The following MS4A7 variants were observed in gnomAD, a reference collection of about 807,000 sequenced individuals.
MS4A7 encodes the protein membrane-spanning 4-domains subfamily A member 7.
MS4A7 carries 21 observed loss-of-function variants against 23.5 expected under a neutral mutation model. The observed-to-expected ratio is 0.89, with a 90% CI of 0.63 to 1.29. MS4A7 has a LOEUF of 1.29. Among genes scored for constraint, MS4A7 ranks in the 50% most tolerant of loss-of-function variants. The pLI, the probability that MS4A7 is intolerant of heterozygous loss-of-function variation, is 0.00. For synonymous variants in MS4A7, 111 were observed against 107.4 expected, an observed-to-expected ratio of 1.03 and a Z score of -0.21; for missense variants, 263 against 274.2, an observed-to-expected ratio of 0.96 and a Z score of 0.29.
chr11:60,384,246 C>T (rs1196535698), intron 2 of MS4A7, among the ~76,000 whole-genome samples: 1 of 151,962 alleles, frequency 6.6e-6, no homozygotes, highest in African/African-American at 2.4e-5. Flanking sequence ...TCCTTTTTTG[C>T]TCAAAATGAA....
Position 60,395,887 on chromosome 11 carries a change from C to G in MS4A7, c.*2026C>G, listed in dbSNP as rs1390983255. 6.6e-6 allele frequency: 1 copy of G among 151,656 alleles called. No individual in the cohort carries two copies. The highest frequency in any genetic ancestry group is 1.5e-5 in the Non-Finnish European group (1 of 67,946). 9.4% of individuals were successfully genotyped at this position (151,656 alleles called of 1,614,324 possible). A position where few individuals can be genotyped will look rare whatever the true frequency, so the allele number is the denominator to read the frequency against. On this transcript the variant is annotated 3_prime_UTR_variant, in exon 7 of 7. Transcript: ENST00000300184. ...ATGTATATCAAAACATGTAGTACACCCTAAATATATATAATTTTTATTTGT... is the reference window on the plus strand; with the variant it reads ...ATGTATATCAAAACATGTAGTACACGCTAAATATATATAATTTTTATTTGT...
At chr11:60,383,102 G>A (rs766518984) in intron 1 of MS4A7, 27 bp from the exon 2 acceptor site, 1 of 1,606,320 alleles carries the variant, frequency 6.2e-7, no homozygotes, top group Non-Finnish European at 8.5e-7. Flanking sequence ...ACCTTGGGAA[G>A]TAACTGAGTT....
intron 2 of MS4A7, among the ~76,000 whole-genome samples, chr11:60,384,212 T>C (rs2085460363): frequency 6.6e-6 from 1 of 152,238 alleles, no homozygotes; most frequent in African/African-American, 2.4e-5. Context: ...TGTATTCTCC[T>C]GGCTCAAAAT....
chr11:60,384,082 C>G (rs188235637), intron 2 of MS4A7, among the ~76,000 whole-genome samples: 1 of 152,138 alleles, frequency 6.6e-6, no homozygotes, highest in East Asian at 1.9e-4. Flanking sequence ...TTTGAATACC[C>G]TCTTATAATA....
chr11:60,381,540 A>G (rs2085427999), intron 1 of MS4A7, among the ~76,000 whole-genome samples: 1 of 152,224 alleles, frequency 6.6e-6, no homozygotes, highest in African/African-American at 2.4e-5. Flanking sequence ...AATCCTCACA[A>G]GAGTCCTTCA....
At position 60,386,749 on chromosome 11, in the gene MS4A7, T is replaced by G. The variant is rs200298364; in HGVS notation, c.315T>G (p.Ser105=). The G allele has an allele frequency of 2.3e-5, 37 of 1,613,150 alleles. No homozygotes were observed. In the Admixed American group the frequency reaches 4.2e-4, roughly 18 times the overall value. The part of the protein sequence containing the change: ...FGITGSLSII[S]GKQSTKPFDL... The stretch of plus-strand genomic sequence containing the variant: ...TTACTGGATCCCTCTCAATTATCTC[T>G]GGAAAACAATCAACTAAGCCCTTTG... The change falls in exon 4 of 7, where the codon TCT becomes TCG. Residue 105 remains serine, a synonymous_variant. Transcript: ENST00000300184.
chr11:60,387,860 G>A (rs1349482787), intron 4 of MS4A7, among the ~76,000 whole-genome samples: 2 of 152,230 alleles, frequency 1.3e-5, no homozygotes, highest in Admixed American at 6.5e-5. Flanking sequence ...AGGTGGATCA[G>A]GCCTATGAGA....
At chr11:60,393,664 C>T in intron 6 of MS4A7, 123 bp from the exon 7 acceptor site, 1 of 539,762 alleles carries the variant, frequency 1.9e-6, no homozygotes, top group Non-Finnish European at 3.2e-6. Flanking sequence ...GCTGCAATTA[C>T]ATATTATGGC....
At chr11:60,387,980 C>A (rs145700853) in intron 4 of MS4A7, among the ~76,000 whole-genome samples, 2 of 152,338 alleles carry the variant, frequency 1.3e-5, no homozygotes, top group Non-Finnish European at 2.9e-5. Flanking sequence ...AGGCTCTGTG[C>A]GAGGTTTCCA....
At chr11:60,379,746 G>A (rs1044118454) in intron 1 of MS4A7, among the ~76,000 whole-genome samples, 7 of 151,996 alleles carry the variant, frequency 4.6e-5, no homozygotes, top group Admixed American at 2.6e-4. Flanking sequence ...TGTTGGCCAC[G>A]CTGGTCTTGA....
chr11:60,393,004 C>T (rs1005536066), intron 6 of MS4A7, among the ~76,000 whole-genome samples: 4 of 152,102 alleles, frequency 2.6e-5, no homozygotes, highest in African/African-American at 4.8e-5. Context: ...GCCTGTAGTC[C>T]CAGCTAGTTG....
Position 60,383,353 on chromosome 11 carries a change from A to G in MS4A7, c.147+65A>G. On this transcript the variant is annotated intron_variant, in intron 2 of 6. Transcript: ENST00000300184. ...CTTTGTAAATGTATCTAGACTACAG[A>G]TCTACAGTGGGTCTGGGAAACTCTT... The G allele has an allele frequency of 1.9e-6, 3 of 1,567,364 alleles. No homozygotes were observed. The South Asian group carries it at 3.5e-5, about 19-fold the overall frequency.
intron 1 of MS4A7, among the ~76,000 whole-genome samples, chr11:60,379,528 T>C (rs1390412209): frequency 1.5e-5 from 2 of 135,850 alleles, no homozygotes; most frequent in Non-Finnish European, 3.4e-5. Flanking sequence ...TTGTTGTTTT[T>C]TGTTTGTTTG....
intron 5 of MS4A7, chr11:60,389,956 T>C (rs2085533657): frequency 1.7e-5 from 4 of 242,350 alleles, no homozygotes; most frequent in African/African-American, 4.5e-5. Flanking sequence ...TATTCTTCAT[T>C]TGAATTATAT....
intron 2 of MS4A7, 93 bp from the exon 3 acceptor site, chr11:60,384,995 A>AATT (rs1555003734): frequency 1.7e-6 from 2 of 1,194,532 alleles, no homozygotes; most frequent in Non-Finnish European, 2.4e-6. Context: ...ATTATAATGT[A>AATT]TTTTATACTC....
At chr11:60,391,064 C>T (rs577377496) in intron 5 of MS4A7, among the ~76,000 whole-genome samples, 86 of 152,282 alleles carry the variant, frequency 5.6e-4, no homozygotes, top group Middle Eastern at 3.4e-3. Context: ...ACAGTTTTAA[C>T]ATCCATGACA....
At chr11:60,391,725 C>G (rs766106182) in intron 5 of MS4A7, among the ~76,000 whole-genome samples, 1 of 151,868 alleles carries the variant, frequency 6.6e-6, no homozygotes, top group African/African-American at 2.4e-5. Context: ...TTGAGACCAG[C>G]CTGGCCAACA....
intron 5 of MS4A7, among the ~76,000 whole-genome samples, chr11:60,392,120 A>G (rs1292235605): frequency 6.6e-6 from 1 of 152,184 alleles, no homozygotes; most frequent in African/African-American, 2.4e-5. Flanking sequence ...TGGAATTTAG[A>G]TTTGATTAAA....
chr11:60,394,233 T>C lies in MS4A7; in HGVS notation c.*372T>C, dbSNP rs1283709611. 6.2e-6 allele frequency: 1 copy of C among 160,604 alleles called. No homozygotes were observed. The highest frequency in any genetic ancestry group is 2.4e-5 in the African/African-American group (1 of 41,722). 9.9% of individuals were successfully genotyped at this position (160,604 alleles called of 1,614,324 possible). A position where few individuals can be genotyped will look rare whatever the true frequency, so the allele number is the denominator to read the frequency against. On this transcript the variant is annotated 3_prime_UTR_variant, in exon 7 of 7. Coordinates refer to ENST00000300184, the MANE Select transcript of MS4A7 (RefSeq NM_021201.5). ...TTTTCACACTCATATTGCTTAAATA[T>C]TACATATTAGGGATTGTAAGAAAAC...
Sources: allele counts gnomAD v4.1 joint callset (sites outside exome capture counted in the v4.1 genomes callset), GRCh38; gene constraint gnomAD v4.1.1; transcripts MANE v1.5; gene names NCBI Gene and HGNC (gene_info 2026-07-23, HGNC 2026-07-21).